RPTOR: variants seen among roughly 807,000 people sequenced by gnomAD.
RPTOR encodes the protein regulatory associated protein of MTOR complex 1.
RPTOR carries 21 observed loss-of-function variants against 169.9 expected under a neutral mutation model. That is an observed-to-expected ratio of 0.12 (90% CI 0.09 to 0.18). The LOEUF (loss-of-function observed/expected upper bound fraction) is 0.18. RPTOR is among the 10% of genes least tolerant of loss of function. The pLI is 1.00. For synonymous variants in RPTOR, 732 were observed against 753.2 expected, an observed-to-expected ratio of 0.97 and a Z score of 0.46; for missense variants, 1,133 against 1,855.9, an observed-to-expected ratio of 0.61 and a Z score of 7.16.
At chr17:80,759,443 G>A (rs1390361687) in intron 6 of RPTOR, among the ~76,000 whole-genome samples, 1 of 152,096 alleles carries the variant, frequency 6.6e-6, no homozygotes, top group Non-Finnish European at 1.5e-5. Flanking sequence ...AAATCAATAT[G>A]CCACAGTGGC....
intron 3 of RPTOR, among the ~76,000 whole-genome samples, chr17:80,680,071 A>G (rs2065887142): frequency 6.7e-6 from 1 of 149,754 alleles, no homozygotes; most frequent in East Asian, 1.9e-4. Flanking sequence ...CAAGTGGGTC[A>G]CAGTTACTTG....
chr17:80,710,648 T>C (rs979053562), intron 4 of RPTOR, among the ~76,000 whole-genome samples: 1 of 151,536 alleles, frequency 6.6e-6, no homozygotes, highest in Non-Finnish European at 1.5e-5. Context: ...CTTAGGCTGG[T>C]GCTACGTTGA....
At chr17:80,930,197 CCAGCTCATCCCCAGCTCATCCT>C (rs2068862839) in intron 24 of RPTOR, among the ~76,000 whole-genome samples, 5 of 61,096 alleles carry the variant, frequency 8.2e-5, no homozygotes, top group Non-Finnish European at 1.1e-4. Context: ...CAGCTCATGC[CCAGCTCATCCCCAGCTCATCCT>C]CAGCTCATCC....
chr17:80,712,765 G>A (rs1205507870), intron 4 of RPTOR, among the ~76,000 whole-genome samples: 2 of 152,136 alleles, frequency 1.3e-5, no homozygotes, highest in African/African-American at 2.4e-5. Context: ...ACATGTCTAC[G>A]CCGTTTTGCA....
chr17:80,846,332 TCTC>T (rs2143713061), intron 10 of RPTOR, 138 bp from the exon 11 acceptor site: 1 of 774,526 alleles, frequency 1.3e-6, no homozygotes, highest in Non-Finnish European at 2.1e-6. Context: ...AGCGCCCGCT[TCTC>T]AGCCGCCTGG....
intron 1 of RPTOR, among the ~76,000 whole-genome samples, chr17:80,615,935 T>C (rs754032831): frequency 5.3e-5 from 8 of 152,158 alleles, no homozygotes; most frequent in Non-Finnish European, 1.0e-4. Context: ...CTATGGGGCC[T>C]TTGGAACGGC....
At chr17:80,744,194 C>T (rs367750824) in intron 5 of RPTOR, among the ~76,000 whole-genome samples, 1 of 32,338 alleles carries the variant, frequency 3.1e-5, no homozygotes, top group Non-Finnish European at 7.2e-5. Flanking sequence ...TGGCTACTAG[C>T]ACAGCCCTGG....
chr17:80,823,853 A>G lies in RPTOR; in HGVS notation c.1136+630A>G, dbSNP rs2067410254. 6.6e-6 allele frequency among the ~76,000 whole-genome samples: 1 copy of G among 152,212 alleles called. No homozygotes were observed. The highest frequency in any genetic ancestry group is 6.5e-5 in the Admixed American group (1 of 15,280). ...TTCTTTCTGTTCTGTGGCTGTCCTAACAAGCAGGTTTGGGCAAATTCTAAA... is the reference window on the plus strand; with the variant it reads ...TTCTTTCTGTTCTGTGGCTGTCCTAGCAAGCAGGTTTGGGCAAATTCTAAA... On this transcript the variant is annotated intron_variant, in intron 9 of 33. Transcript: ENST00000306801. This position sits in a 1 kb window ranked among gnomAD's most constrained non-coding sequence, Gnocchi z 4.5.
At chr17:80,869,044 T>C (rs9901005) in intron 13 of RPTOR, among the ~76,000 whole-genome samples, 10,483 of 152,262 alleles carry the variant, frequency 0.069, 1,174 homozygotes, top group African/African-American at 0.23. Flanking sequence ...GTCCAAAATC[T>C]TCAAATTCCG....
intron 1 of RPTOR, among the ~76,000 whole-genome samples, chr17:80,624,486 C>T (rs1391755722): frequency 6.6e-6 from 1 of 152,022 alleles, no homozygotes; most frequent in African/African-American, 2.4e-5. Context: ...AAAAATGACC[C>T]TTCCAAGTAT....
At chr17:80,964,204 C>T (rs1449604472) in intron 33 of RPTOR, 58 bp from the exon 34 acceptor site, 2 of 1,231,670 alleles carry the variant, frequency 1.6e-6, no homozygotes, top group Admixed American at 1.7e-5. Context: ...CGCCCCCCCG[C>T]CCCCCGCAGT....
chr17:80,559,877 T>G (rs1257234061), intron 1 of RPTOR, among the ~76,000 whole-genome samples: 1 of 152,224 alleles, frequency 6.6e-6, no homozygotes, highest in Non-Finnish European at 1.5e-5. Context: ...CCTTGTTTTC[T>G]GAGGTAAACG....
chr17:80,698,721 A>G (rs1310382204), intron 3 of RPTOR, among the ~76,000 whole-genome samples: 2 of 152,230 alleles, frequency 1.3e-5, no homozygotes, highest in African/African-American at 4.8e-5. Context: ...AATGTCTTTT[A>G]TTACCATTCA....
chr17:80,776,847 C>T (rs1028785004), intron 6 of RPTOR, among the ~76,000 whole-genome samples: 1 of 152,040 alleles, frequency 6.6e-6, no homozygotes, highest in African/African-American at 2.4e-5. Context: ...ACATCTGGAC[C>T]GACCAGTATT....
At chr17:80,634,828 G>GTGCATGTGCATAC (rs2065491733) in intron 2 of RPTOR, among the ~76,000 whole-genome samples, 2 of 143,236 alleles carry the variant, frequency 1.4e-5, no homozygotes, top group Admixed American at 6.9e-5. Context: ...TGCATACTGT[G>GTGCATGTGCATAC]TGTGTGTGCA....
chr17:80,638,987 G>A (rs2065531319), intron 2 of RPTOR, among the ~76,000 whole-genome samples: 1 of 152,168 alleles, frequency 6.6e-6, no homozygotes, highest in South Asian at 2.1e-4. Context: ...AAGCTTTCCT[G>A]TCCCAGATGC....
intron 6 of RPTOR, chr17:80,773,977 C>G (rs1041834129): frequency 7.1e-6 from 7 of 985,326 alleles, no homozygotes; most frequent in Non-Finnish European, 8.4e-6. Context: ...GACAAAGGCC[C>G]TCTTCTCGGG....
At chr17:80,935,718 G>T (rs1161397155) in intron 24 of RPTOR, among the ~76,000 whole-genome samples, 1 of 152,054 alleles carries the variant, frequency 6.6e-6, no homozygotes, top group African/African-American at 2.4e-5. Context: ...AATTAACTCA[G>T]AGTGAATCAT....
intron 7 of RPTOR, among the ~76,000 whole-genome samples, chr17:80,793,665 G>C (rs539997829): frequency 6.6e-6 from 1 of 152,180 alleles, no homozygotes; most frequent in South Asian, 2.1e-4. Flanking sequence ...GAGCCCCCCG[G>C]TCACCTGTGT....
Sources: gnomAD v4.1 joint callset for allele counts (sites outside exome capture counted in the v4.1 genomes callset) on GRCh38, gnomAD v4.1.1 for gene constraint, Gnocchi (gnomAD v3.1) non-coding constraint, MANE v1.5 for transcripts, NCBI Gene and HGNC (gene_info 2026-07-23, HGNC 2026-07-21) for gene names.